Variants in MTUS2 observed in about 807,000 individuals in gnomAD.
MTUS2 encodes the protein microtubule-associated tumor suppressor candidate 2.
In MTUS2, 40 loss-of-function variants were observed where a neutral mutation model predicts 114.1. The observed-to-expected ratio is 0.35, with a 90% CI of 0.27 to 0.46. MTUS2 has a LOEUF of 0.46. Ranked by LOEUF, MTUS2 falls within the 20% of genes least tolerant of loss-of-function variation. MTUS2 has a pLI of 1.00. For synonymous variants in MTUS2, 688 were observed against 672.0 expected, an observed-to-expected ratio of 1.02 and a Z score of -0.37; for missense variants, 1,679 against 1,705.4, an observed-to-expected ratio of 0.98 and a Z score of 0.27.
At chr13:29,037,127 T>A (rs2138535906) in intron 4 of MTUS2, among the ~76,000 whole-genome samples, 1 of 152,368 alleles carries the variant, frequency 6.6e-6, no homozygotes, top group East Asian at 1.9e-4. Context: ...CAATTTGGTA[T>A]GTTTTTGAAG....
intron 6 of MTUS2, among the ~76,000 whole-genome samples, chr13:29,305,898 G>A (rs1255421818): frequency 6.6e-6 from 1 of 152,112 alleles, no homozygotes; most frequent in Non-Finnish European, 1.5e-5. Flanking sequence ...GGAAAATACT[G>A]GCAAACTGAA....
chr13:29,229,340 G>T lies in MTUS2; in HGVS notation c.2645-52364G>T, dbSNP rs192589465. On this transcript the variant is annotated intron_variant, in intron 5 of 15. Coordinates refer to ENST00000612955, the MANE Select transcript of MTUS2 (RefSeq NM_001033602.4). Reference sequence around the variant, plus strand: ...CCTCAACATTTTCACTCATTTTCTTGACCTTTACTTGGAACAGTCTGTCTT... The same window carrying T: ...CCTCAACATTTTCACTCATTTTCTTTACCTTTACTTGGAACAGTCTGTCTT... Among the ~76,000 whole-genome samples, 4 of 152,174 alleles carry T rather than the reference G, an allele frequency of 2.6e-5. No homozygotes were observed. In the East Asian group the frequency reaches 7.7e-4, roughly 29 times the overall value.
At chr13:28,848,190 G>GCTTTCCAAGAATTTACTAT (rs1202815537) in intron 2 of MTUS2, among the ~76,000 whole-genome samples, 10 of 152,242 alleles carry the variant, frequency 6.6e-5, no homozygotes, top group African/African-American at 2.4e-4. Flanking sequence ...TTTGGTTTCT[G>GCTTTCCAAGAATTTACTAT]CTTTCCAAGA....
At chr13:28,879,822 T>C (rs1878179880) in intron 2 of MTUS2, among the ~76,000 whole-genome samples, 1 of 151,160 alleles carries the variant, frequency 6.6e-6, no homozygotes. Flanking sequence ...TAGAGATGTA[T>C]CTAAGTGTGA....
chr13:28,899,247 T>C (rs1371769867), intron 2 of MTUS2, among the ~76,000 whole-genome samples: 2 of 152,210 alleles, frequency 1.3e-5, no homozygotes, highest in Non-Finnish European at 2.9e-5. Flanking sequence ...CCTCCTTACA[T>C]ATTTTAAGTT....
At chr13:29,456,887 C>T (rs973594786) in intron 9 of MTUS2, among the ~76,000 whole-genome samples, 1 of 152,000 alleles carries the variant, frequency 6.6e-6, no homozygotes, top group African/African-American at 2.4e-5. Flanking sequence ...CCTGTAATCC[C>T]AGCACTTTGG....
intron 8 of MTUS2, among the ~76,000 whole-genome samples, chr13:29,434,450 G>A (rs555697804): frequency 2.6e-5 from 4 of 152,308 alleles, no homozygotes; most frequent in African/African-American, 7.2e-5. Flanking sequence ...CTCTCTGGAC[G>A]TCAAGCTTCT....
intron 2 of MTUS2, among the ~76,000 whole-genome samples, chr13:28,901,144 T>C (rs902601137): frequency 1.5e-4 from 23 of 152,222 alleles, no homozygotes; most frequent in Admixed American, 3.3e-4. Context: ...GCATCTTTTC[T>C]TGTGCTTATT....
chr13:28,819,997 G>C (rs921618083), upstream of MTUS2, among the ~76,000 whole-genome samples: 2 of 147,174 alleles, frequency 1.4e-5, no homozygotes, highest in African/African-American at 2.4e-5. Context: ...GGGGGTGCGC[G>C]CATCAGCTGC....
intron 2 of MTUS2, among the ~76,000 whole-genome samples, chr13:28,899,517 C>G (rs1256224940): frequency 6.6e-6 from 1 of 152,166 alleles, no homozygotes; most frequent in African/African-American, 2.4e-5. Flanking sequence ...TCACGCCATT[C>G]TCCTGCCTCA....
intron 5 of MTUS2, among the ~76,000 whole-genome samples, chr13:29,250,249 C>A (rs1422353951): frequency 1.3e-5 from 2 of 152,082 alleles, no homozygotes; most frequent in African/African-American, 4.8e-5. Context: ...TGGCTCTCGT[C>A]TTTCTGCTGT....
chr13:29,191,037 C>T (rs960023927), intron 5 of MTUS2, among the ~76,000 whole-genome samples: 1 of 152,220 alleles, frequency 6.6e-6, no homozygotes, highest in Non-Finnish European at 1.5e-5. Flanking sequence ...TTACAGCTGC[C>T]ACACAGCTGT....
chr13:29,287,552 C>T (rs957147768), intron 6 of MTUS2, among the ~76,000 whole-genome samples: 3 of 152,152 alleles, frequency 2.0e-5, no homozygotes, highest in Non-Finnish European at 4.4e-5. Context: ...TCACTGAACA[C>T]ATGTGTGTTA....
chr13:29,208,494 T>C (rs975488585), intron 5 of MTUS2, among the ~76,000 whole-genome samples: 1 of 152,044 alleles, frequency 6.6e-6, no homozygotes, highest in Non-Finnish European at 1.5e-5. Flanking sequence ...TTTTTGTTTG[T>C]TTGTTTCTCT....
chr13:29,447,698 A>G (rs3923361), intron 9 of MTUS2, among the ~76,000 whole-genome samples: 2 of 148,844 alleles, frequency 1.3e-5, no homozygotes, highest in Non-Finnish European at 3.0e-5. Context: ...TGTGGGGTTT[A>G]CGGGAATTGG....
chr13:29,224,238 A>G lies in MTUS2; in HGVS notation c.2645-57466A>G, dbSNP rs191597336. Among the ~76,000 whole-genome samples, 100 of 152,330 alleles carry G rather than the reference A, an allele frequency of 6.6e-4. 1 individual carries two copies. The highest frequency in any genetic ancestry group is 1.2e-3 in the Non-Finnish European group (83 of 68,030). On this transcript the variant is annotated intron_variant, in intron 5 of 15. Transcript: ENST00000612955. ...AAGGATCCTATGACATTTGCATATG[A>G]TCAAGTGCTCTCGTAGTACCTTGGC...
intron 8 of MTUS2, among the ~76,000 whole-genome samples, chr13:29,414,485 A>G (rs989843934): frequency 3.7e-4 from 56 of 150,578 alleles, no homozygotes; most frequent in South Asian, 2.1e-4. Context: ...AAAAAAAAAA[A>G]AAGAAGACTG....
At chr13:29,095,557 T>A (rs1890142956) in intron 4 of MTUS2, among the ~76,000 whole-genome samples, 1 of 101,436 alleles carries the variant, frequency 9.9e-6, no homozygotes, top group South Asian at 2.8e-4. Flanking sequence ...TTTCAAAGAT[T>A]TGGACTATGT....
intron 5 of MTUS2, among the ~76,000 whole-genome samples, chr13:29,103,585 A>G (rs1193706208): frequency 1.3e-5 from 2 of 152,226 alleles, no homozygotes; most frequent in African/African-American, 4.8e-5. Context: ...ATGAAGGTCT[A>G]GGACATCATT....
Sources: allele counts gnomAD v4.1 joint callset (sites outside exome capture counted in the v4.1 genomes callset), GRCh38; gene constraint gnomAD v4.1.1; transcripts MANE v1.5; gene names NCBI Gene and HGNC (gene_info 2026-07-23, HGNC 2026-07-21).